The following PASK variants were observed in gnomAD, a reference collection of about 807,000 sequenced individuals.
PASK encodes PAS domain containing serine/threonine kinase, also known as PAS domain-containing serine/threonine-protein kinase.
PASK carries 110 observed loss-of-function variants against 121.0 expected under a neutral mutation model. That is an observed-to-expected ratio of 0.91 (90% CI 0.78 to 1.06). The LOEUF is 1.06. Among genes scored for constraint, PASK ranks in the 50% least tolerant of loss-of-function variants. The pLI is 0.00. For synonymous variants in PASK, 686 were observed against 717.8 expected (o/e 0.96, Z 0.71); for missense variants, 1,643 against 1,702.3 (o/e 0.97, Z 0.61).
chr2:241,130,188 T>C (rs2066061034), intron 9 of PASK, among the ~76,000 whole-genome samples: 1 of 152,242 alleles, frequency 6.6e-6, no homozygotes, highest in Non-Finnish European at 1.5e-5. Flanking sequence ...TCTTCTGTAA[T>C]GCTTATTTGT....
intron 12 of PASK, among the ~76,000 whole-genome samples, chr2:241,116,700 C>T (rs911145571): frequency 5.9e-5 from 9 of 152,330 alleles, no homozygotes; most frequent in African/African-American, 2.2e-4. Flanking sequence ...GAAAAAGATA[C>T]CATTCACAAA....
chr2:241,146,389 C>G (rs1478682000), intron 1 of PASK, among the ~76,000 whole-genome samples: 1 of 152,028 alleles, frequency 6.6e-6, no homozygotes, highest in African/African-American at 2.4e-5. Flanking sequence ...TAAGAAGACA[C>G]CAGAATGTTC....
chr2:241,132,803 A>G, intron 9 of PASK, 71 bp downstream of exon 9: 1 of 1,244,864 alleles, frequency 8.0e-7, no homozygotes, highest in Non-Finnish European at 1.2e-6. Flanking sequence ...TTTCTCTCTG[A>G]CTTGTTCCTC....
chr2:241,127,749 A>T, intron 9 of PASK: 2 of 412,978 alleles, frequency 4.8e-6, no homozygotes, highest in Non-Finnish European at 4.6e-6. Flanking sequence ...CAGGGCCCCC[A>T]AACCCCCCGT....
chr2:241,140,225 C>T lies in PASK; in HGVS notation c.430-170G>A, dbSNP rs553081639. Among the ~76,000 whole-genome samples, 179 of 125,920 alleles carry T rather than the reference C, an allele frequency of 1.4e-3. 1 individual carries two copies. The highest frequency in any genetic ancestry group is 5.7e-3 in the African/African-American group (169 of 29,586). 82.6% of individuals were successfully genotyped at this position (125,920 alleles called of 152,430 possible). A position where few individuals can be genotyped will look rare whatever the true frequency, so the allele number is the denominator to read the frequency against. On this transcript the variant is annotated intron_variant, in intron 3 of 17. Coordinates refer to ENST00000234040, the MANE Select transcript of PASK (RefSeq NM_015148.4). Reference sequence around the variant, plus strand: ...GCGCAATCAGAGCTCACTGCAGCGGCGCAATCAGAGCTCACTGCAACCTTG... The same window carrying T: ...GCGCAATCAGAGCTCACTGCAGCGGTGCAATCAGAGCTCACTGCAACCTTG...
chr2:241,138,722 G>T lies in PASK; in HGVS notation c.673C>A (p.Arg225Ser). The T allele has an allele frequency of 1.2e-6, 2 of 1,614,068 alleles. No homozygotes were observed. Among genetic ancestry groups the T allele is most frequent in the Non-Finnish European group, 1.7e-6 (2 of 1,179,990 alleles). Reference protein sequence around the residue: ...VWMKRMRQERRLCCVVVLEPV... With the variant: ...VWMKRMRQERSLCCVVVLEPV... ...TCCAGGACCACCACGCAGCATAGGC[G>T]GCGCTCCTGCCGCATCCTCTTCATC... The change falls in exon 5 of 18, where the codon CGC (arginine) becomes AGC (serine). Residue 225 changes from arginine (R) to serine (S), a missense_variant. By Grantham distance (110) the Arg-to-Ser change is moderately radical. Around this residue, in one of 3 missense-constraint regions of PASK, gnomAD observed 1,176 missense variants for 1,162.2 expected, o/e 1.01. Transcript: ENST00000234040.
chr2:241,142,566 T>A (rs1387485828), intron 2 of PASK, among the ~76,000 whole-genome samples: 1 of 152,264 alleles, frequency 6.6e-6, no homozygotes, highest in South Asian at 2.1e-4. Flanking sequence ...AATAACATTT[T>A]GTTGTAACTT....
intron 9 of PASK, among the ~76,000 whole-genome samples, chr2:241,129,026 CTCCCTCCATGTCTCCCAT>C (rs1559381341): frequency 6.6e-6 from 1 of 151,840 alleles, no homozygotes; most frequent in African/African-American, 2.4e-5. Context: ...TCCCGCCTCT[CTCCCTCCATGTCTCCCAT>C]CTCTCTCTCC....
At chr2:241,145,135 G>C (rs762381032) in intron 1 of PASK, among the ~76,000 whole-genome samples, 2 of 152,134 alleles carry the variant, frequency 1.3e-5, no homozygotes, top group South Asian at 2.1e-4. Flanking sequence ...AGATGGTCTC[G>C]ATCTCCTGAC....
At chr2:241,149,701 C>CA, upstream of PASK, 1 of 1,551,390 alleles carries the variant, frequency 6.4e-7, no homozygotes, top group East Asian at 2.4e-5. Context: ...GACTCGCGAT[C>CA]AAAATGGGTG....
At chr2:241,128,599 A>T (rs2065981863) in intron 9 of PASK, among the ~76,000 whole-genome samples, 1 of 152,200 alleles carries the variant, frequency 6.6e-6, no homozygotes, top group Non-Finnish European at 1.5e-5. Flanking sequence ...CAGAAAGAGG[A>T]CAGGATCGGG....
Position 241,108,400 on chromosome 2 carries a change from G to A in PASK, c.3534-100C>T. The A allele has an allele frequency of 8.2e-7, 1 of 1,221,652 alleles. No individual in the cohort carries two copies. The allele number at this position is 1,221,652 out of a possible 1,614,324, so 75.7% of individuals were successfully genotyped here. A position where few individuals can be genotyped will look rare whatever the true frequency, so the allele number is the denominator to read the frequency against. On this transcript the variant is annotated intron_variant, in intron 15 of 17. Transcript: ENST00000234040. The surrounding 1 kb of genome is among the most constrained non-coding windows in gnomAD (Gnocchi z 5.2). Reference sequence around the variant, plus strand: ...ATGGCCCTTCCCGACCAGCACACAGGCCAGGCAGTGGTTTCCCAAGAGGAG... The same window carrying A: ...ATGGCCCTTCCCGACCAGCACACAGACCAGGCAGTGGTTTCCCAAGAGGAG...
At chr2:241,135,744 GC>G in intron 8 of PASK, 126 bp downstream of exon 8, 4 of 818,198 alleles carry the variant, frequency 4.9e-6, no homozygotes, top group Non-Finnish European at 8.0e-6. Flanking sequence ...CCCCTACTCC[GC>G]CCCCCACCAC....
At chr2:241,140,485 C>T in intron 3 of PASK, 36 bp downstream of exon 3, 1 of 1,403,770 alleles carries the variant, frequency 7.1e-7, no homozygotes, top group Non-Finnish European at 1.0e-6. Context: ...CACAAATCCA[C>T]ATCTACACAG....
At chr2:241,149,778 T>A (rs1412145753), upstream of PASK, 4 of 1,536,122 alleles carry the variant, frequency 2.6e-6, no homozygotes, top group Admixed American at 5.9e-5. Flanking sequence ...GGCTCGTTCA[T>A]GGGCCGGGTG....
chr2:241,140,154 C>T, intron 3 of PASK, 99 bp from the exon 4 acceptor site: 2 of 940,378 alleles, frequency 2.1e-6, no homozygotes, highest in South Asian at 1.4e-5. Flanking sequence ...CCAGCCTTTT[C>T]CTGACAGACA....
chr2:241,133,656 T>C (rs1474918783), intron 8 of PASK: 1 of 162,012 alleles, frequency 6.2e-6, no homozygotes, highest in Admixed American at 5.8e-5. Context: ...GTATGTCTCT[T>C]GGTTACATGA....
At chr2:241,149,007 GA>G (rs2067129375) in intron 1 of PASK, among the ~76,000 whole-genome samples, 1 of 152,040 alleles carries the variant, frequency 6.6e-6, no homozygotes, top group Non-Finnish European at 1.5e-5. Flanking sequence ...AGCCCGCAGG[GA>G]CCCACACGCC....
intron 1 of PASK, among the ~76,000 whole-genome samples, chr2:241,144,438 G>A (rs1172758792): frequency 6.6e-6 from 1 of 152,122 alleles, no homozygotes; most frequent in Non-Finnish European, 1.5e-5. Context: ...AACCATGGCT[G>A]GAGTTTCCCC....
Sources: gnomAD v4.1 joint callset for allele counts (sites outside exome capture counted in the v4.1 genomes callset) on GRCh38, gnomAD v4.1.1 for gene constraint, gnomAD v4.1.1 regional missense constraint, Gnocchi (gnomAD v3.1) non-coding constraint, MANE v1.5 for transcripts, NCBI Gene and HGNC (gene_info 2026-07-23, HGNC 2026-07-21) for gene names.